The following FAM120B variants were observed in gnomAD, a reference collection of about 807,000 sequenced individuals.
The protein encoded by FAM120B is constitutive coactivator of peroxisome proliferator-activated receptor gamma.
Under a neutral mutation model 96.3 loss-of-function variants are expected in FAM120B, and 83 were observed. That is an observed-to-expected ratio of 0.86 (90% CI 0.72 to 1.03). FAM120B has a LOEUF of 1.03. FAM120B is among the 50% of genes least tolerant of loss of function. FAM120B has a pLI of 0.00. For synonymous variants in FAM120B, 407 were observed against 402.7 expected, an observed-to-expected ratio of 1.01 and a Z score of -0.13; for missense variants, 1,027 against 1,121.2, an observed-to-expected ratio of 0.92 and a Z score of 1.20.
At chr6:170,361,198 G>GTATA (rs71010657) in intron 6 of FAM120B, among the ~76,000 whole-genome samples, 3,031 of 65,396 alleles carry the variant, frequency 0.046, 145 homozygotes, top group Non-Finnish European at 0.058. Flanking sequence ...ATATATACGT[G>GTATA]TATATATATA....
chr6:170,366,501 G>T (rs1166649284), intron 6 of FAM120B, among the ~76,000 whole-genome samples: 1 of 152,236 alleles, frequency 6.6e-6, no homozygotes, highest in Non-Finnish European at 1.5e-5. Context: ...AGGGAGAGTG[G>T]CGTGTGAGCG....
chr6:170,357,528 A>T (rs1445348614), intron 5 of FAM120B, among the ~76,000 whole-genome samples: 1 of 152,000 alleles, frequency 6.6e-6, no homozygotes, highest in Non-Finnish European at 1.5e-5. Flanking sequence ...GTAGGGTCTC[A>T]TATTGTGGGT....
chr6:170,405,988 C>T lies in FAM120B; in HGVS notation c.*1237C>T, dbSNP rs1039515194. 1 of 151,788 alleles carries T rather than the reference C, an allele frequency of 6.6e-6. No individual in the cohort carries two copies. The highest frequency in any genetic ancestry group is 2.4e-5 in the African/African-American group (1 of 41,380). The allele number at this position is 151,788 out of a possible 1,614,324, so 9.4% of individuals were successfully genotyped here. On this transcript the variant is annotated 3_prime_UTR_variant, in exon 11 of 11. Transcript: ENST00000476287. Reference sequence around the variant, plus strand: ...GAATGGCACGTTTGTTCCTCTTTATCTCTGAGCATTGAAGGACTTTTGGTT... The same window carrying T: ...GAATGGCACGTTTGTTCCTCTTTATTTCTGAGCATTGAAGGACTTTTGGTT...
chr6:170,366,366 T>G (rs1170771252), intron 6 of FAM120B, among the ~76,000 whole-genome samples: 2 of 151,164 alleles, frequency 1.3e-5, no homozygotes, highest in African/African-American at 4.9e-5. Flanking sequence ...TAGGAAAGAG[T>G]AGGAGTCTCT....
chr6:170,365,205 C>T (rs1694255170), intron 6 of FAM120B, among the ~76,000 whole-genome samples: 3 of 152,232 alleles, frequency 2.0e-5, no homozygotes, highest in African/African-American at 4.8e-5. Context: ...GGTGGTCAGA[C>T]TTTGAGCCCA....
At chr6:170,309,281 G>A (rs1784461006) in intron 1 of FAM120B, among the ~76,000 whole-genome samples, 3 of 152,004 alleles carry the variant, frequency 2.0e-5, no homozygotes, top group Admixed American at 1.3e-4. Context: ...TGCAAAGATA[G>A]GTATTTCTAA....
chr6:170,335,308 T>C (rs1186646427), intron 4 of FAM120B, among the ~76,000 whole-genome samples: 1 of 151,668 alleles, frequency 6.6e-6, no homozygotes, highest in Non-Finnish European at 1.5e-5. Context: ...ACATGCGGTG[T>C]TTGGTTTTCT....
chr6:170,290,715 C>T, upstream of FAM120B: 1 of 345,624 alleles, frequency 2.9e-6, no homozygotes, highest in South Asian at 3.2e-5. The surrounding 1 kb of genome is among the most constrained non-coding windows in gnomAD (Gnocchi z 4.7). Flanking sequence ...CACTCGGCGG[C>T]GGCGGTCGTT....
chr6:170,305,996 A>G (rs1001448219), upstream of FAM120B, among the ~76,000 whole-genome samples: 2 of 152,218 alleles, frequency 1.3e-5, no homozygotes, highest in Non-Finnish European at 2.9e-5. Flanking sequence ...ATGTATCCAC[A>G]GCAGCCACTG....
chr6:170,322,754 A>G (rs1785376414), intron 2 of FAM120B, among the ~76,000 whole-genome samples: 1 of 152,102 alleles, frequency 6.6e-6, no homozygotes, highest in Admixed American at 6.6e-5. Flanking sequence ...GGTCTAGGGG[A>G]TTAAGACCCT....
At chr6:170,365,375 C>T (rs775973685) in intron 6 of FAM120B, among the ~76,000 whole-genome samples, 1 of 152,178 alleles carries the variant, frequency 6.6e-6, no homozygotes, top group African/African-American at 2.4e-5. Context: ...GGTTCCTTCT[C>T]GCCTTACTAG....
At chr6:170,340,968 G>T (rs1239229718) in intron 4 of FAM120B, among the ~76,000 whole-genome samples, 1 of 152,236 alleles carries the variant, frequency 6.6e-6, no homozygotes, top group Non-Finnish European at 1.5e-5. Flanking sequence ...CGGGGATGAG[G>T]GACCCATTGA....
At chr6:170,352,316 C>A (rs1787632388) in intron 5 of FAM120B, among the ~76,000 whole-genome samples, 4 of 151,888 alleles carry the variant, frequency 2.6e-5, no homozygotes, top group Admixed American at 2.6e-4. Flanking sequence ...AAAGAGACTC[C>A]CACACAATAA....
intron 3 of FAM120B, among the ~76,000 whole-genome samples, chr6:170,329,916 G>C (rs1056867476): frequency 3.3e-5 from 5 of 152,160 alleles, no homozygotes; most frequent in Non-Finnish European, 7.4e-5. Context: ...TTGAGCAGCT[G>C]TCTGACTGAT....
chr6:170,395,069 A>G (rs1790656673), intron 8 of FAM120B, among the ~76,000 whole-genome samples: 1 of 152,228 alleles, frequency 6.6e-6, no homozygotes, highest in Non-Finnish European at 1.5e-5. Flanking sequence ...AGTGTGTGTG[A>G]GTGAAGTTTG....
upstream of FAM120B, among the ~76,000 whole-genome samples, chr6:170,305,526 G>A (rs1784251115): frequency 6.6e-6 from 1 of 152,156 alleles, no homozygotes; most frequent in African/African-American, 2.4e-5. Flanking sequence ...TCAATAGAAT[G>A]TTTTTCCTAG....
intron 4 of FAM120B, among the ~76,000 whole-genome samples, chr6:170,341,878 C>T (rs1357564128): frequency 6.6e-6 from 1 of 152,224 alleles, no homozygotes; most frequent in African/African-American, 2.4e-5. Context: ...CACCAGCCTT[C>T]TGCGTTGGAA....
chr6:170,396,880 G>C (rs1274309199), intron 9 of FAM120B, among the ~76,000 whole-genome samples: 1 of 152,224 alleles, frequency 6.6e-6, no homozygotes, highest in Non-Finnish European at 1.5e-5. Context: ...GTAAACTTAC[G>C]TAGACTCAGA....
At chr6:170,374,784 A>G (rs1342876476) in intron 6 of FAM120B, among the ~76,000 whole-genome samples, 1 of 152,212 alleles carries the variant, frequency 6.6e-6, no homozygotes, top group East Asian at 1.9e-4. Flanking sequence ...GGGTGATGTC[A>G]CTTTACATTC....
Sources: gnomAD v4.1 joint callset for allele counts (sites outside exome capture counted in the v4.1 genomes callset) on GRCh38, gnomAD v4.1.1 for gene constraint, Gnocchi (gnomAD v3.1) non-coding constraint, MANE v1.5 for transcripts, NCBI Gene and HGNC (gene_info 2026-07-23, HGNC 2026-07-21) for gene names.